Variants in BCL2 observed in about 807,000 individuals in gnomAD.
BCL2 encodes the protein BCL2 apoptosis regulator.
Under a neutral mutation model 14.2 loss-of-function variants are expected in BCL2, and 1 was observed. The ratio of observed to expected loss-of-function variants is 0.07; its 90% CI spans 0.02 to 0.33. The LOEUF is 0.33. Ranked by LOEUF, BCL2 falls within the 10% of genes least tolerant of loss-of-function variation. The probability of loss-of-function intolerance (pLI) is 0.99; values close to 1 mark genes in which losing one functional copy is unlikely to be tolerated. For missense variants in BCL2, 247 were observed against 305.9 expected (o/e 0.81, Z 1.44); for synonymous variants, 151 against 137.2 (o/e 1.10, Z -0.70).
At chr18:63,258,320 A>G (rs1300705294) in intron 2 of BCL2, among the ~76,000 whole-genome samples, 5 of 152,254 alleles carry the variant, frequency 3.3e-5, no homozygotes, top group African/African-American at 9.6e-5. Flanking sequence ...CTAGAAAACT[A>G]GTACAAATGG....
At chr18:63,290,428 C>G (rs1277498359) in intron 2 of BCL2, among the ~76,000 whole-genome samples, 1 of 152,174 alleles carries the variant, frequency 6.6e-6, no homozygotes, top group East Asian at 1.9e-4. Context: ...ATTAAAGGAA[C>G]TTCCCAACCA....
intron 2 of BCL2, among the ~76,000 whole-genome samples, chr18:63,248,307 T>C (rs941345740): frequency 6.6e-6 from 1 of 152,232 alleles, no homozygotes; most frequent in Admixed American, 6.5e-5. Flanking sequence ...TCATCTTTCA[T>C]CAATGAGAAA....
intron 2 of BCL2, among the ~76,000 whole-genome samples, chr18:63,215,205 C>T (rs763254725): frequency 1.3e-5 from 2 of 152,178 alleles, no homozygotes; most frequent in Non-Finnish European, 2.9e-5. Flanking sequence ...CGTCCCTTGG[C>T]AAGATACAGA....
At chr18:63,248,889 C>G (rs1231604560) in intron 2 of BCL2, among the ~76,000 whole-genome samples, 1 of 152,190 alleles carries the variant, frequency 6.6e-6, no homozygotes, top group Non-Finnish European at 1.5e-5. Flanking sequence ...TATTGTACCT[C>G]ATTCTTGGTT....
chr18:63,202,263 C>T (rs1043115000), intron 2 of BCL2, among the ~76,000 whole-genome samples: 3 of 152,102 alleles, frequency 2.0e-5, no homozygotes, highest in African/African-American at 4.8e-5. Flanking sequence ...GAGACGAGAT[C>T]GGGCCACTGC....
At chr18:63,245,117 C>T (rs1911117484) in intron 2 of BCL2, among the ~76,000 whole-genome samples, 1 of 152,172 alleles carries the variant, frequency 6.6e-6, no homozygotes, top group Non-Finnish European at 1.5e-5. Context: ...GGGTCATCTT[C>T]GAGAAATGTG....
At chr18:63,302,767 C>T (rs553199829) in intron 2 of BCL2, 10 of 985,338 alleles carry the variant, frequency 1.0e-5, no homozygotes, top group South Asian at 4.7e-5. Flanking sequence ...GTCAGAATTT[C>T]GCGTTTAAGT....
At chr18:63,148,513 T>G (rs879889443) in intron 2 of BCL2, among the ~76,000 whole-genome samples, 6 of 152,250 alleles carry the variant, frequency 3.9e-5, no homozygotes, top group Non-Finnish European at 8.8e-5. Flanking sequence ...TTAATCTTTC[T>G]GGCTCTTGGA....
chr18:63,198,309 C>A (rs1909512658), intron 2 of BCL2, among the ~76,000 whole-genome samples: 2 of 151,022 alleles, frequency 1.3e-5, no homozygotes, highest in African/African-American at 4.9e-5. Flanking sequence ...CACACAGACA[C>A]ACACTGACAC....
chr18:63,225,308 G>C (rs1309260048), intron 2 of BCL2, among the ~76,000 whole-genome samples: 1 of 151,956 alleles, frequency 6.6e-6, no homozygotes, highest in Non-Finnish European at 1.5e-5. Flanking sequence ...AGGAAGCTGT[G>C]GATATGATCA....
At chr18:63,131,265 C>T (rs1027458810) in intron 2 of BCL2, among the ~76,000 whole-genome samples, 1 of 152,220 alleles carries the variant, frequency 6.6e-6, no homozygotes, top group African/African-American at 2.4e-5. Context: ...GGGCCTTCTG[C>T]ATCTTTGGAG....
At chr18:63,154,718 C>A (rs890144576) in intron 2 of BCL2, among the ~76,000 whole-genome samples, 1 of 152,194 alleles carries the variant, frequency 6.6e-6, no homozygotes, top group Non-Finnish European at 1.5e-5. Flanking sequence ...ATTCTGCCCC[C>A]TCAAGGCTCA....
intron 2 of BCL2, among the ~76,000 whole-genome samples, chr18:63,218,911 C>A (rs1910303996): frequency 6.6e-6 from 1 of 151,912 alleles, no homozygotes; most frequent in Non-Finnish European, 1.5e-5. Context: ...TCATTTCTGG[C>A]TCCTTTTTCT....
At chr18:63,203,432 A>T (rs867667055) in intron 2 of BCL2, among the ~76,000 whole-genome samples, 1 of 152,214 alleles carries the variant, frequency 6.6e-6, no homozygotes, top group South Asian at 2.1e-4. Flanking sequence ...ATATATTTTT[A>T]AAAAGAGCCT....
intron 2 of BCL2, among the ~76,000 whole-genome samples, chr18:63,219,933 A>G (rs1910339295): frequency 6.6e-6 from 1 of 152,210 alleles, no homozygotes; most frequent in Non-Finnish European, 1.5e-5. Context: ...AATGCACCCA[A>G]GAAAAGTAGG....
chr18:63,134,449 C>A (rs1202040603), intron 2 of BCL2, among the ~76,000 whole-genome samples: 1 of 152,140 alleles, frequency 6.6e-6, no homozygotes, highest in Non-Finnish European at 1.5e-5. Context: ...TAGACCCTGG[C>A]CCAGAAGAAC....
intron 2 of BCL2, among the ~76,000 whole-genome samples, chr18:63,205,625 C>T (rs1021420356): frequency 4.6e-5 from 7 of 151,750 alleles, no homozygotes; most frequent in Admixed American, 1.3e-4. Context: ...TCGAACACTA[C>T]GAAAAGAAAA....
At chr18:63,141,725 C>T (rs1438401997) in intron 2 of BCL2, among the ~76,000 whole-genome samples, 3 of 152,240 alleles carry the variant, frequency 2.0e-5, no homozygotes, top group African/African-American at 7.2e-5. Context: ...TGGAGCCACA[C>T]ATGTGGCTCT....
intron 2 of BCL2, among the ~76,000 whole-genome samples, chr18:63,272,140 A>T (rs757267895): frequency 6.6e-6 from 1 of 152,212 alleles, no homozygotes; most frequent in Non-Finnish European, 1.5e-5. Flanking sequence ...GGGAGACTTC[A>T]ACCCAGCTGA....
Sources: gnomAD v4.1 joint callset for allele counts (sites outside exome capture counted in the v4.1 genomes callset) on GRCh38, gnomAD v4.1.1 for gene constraint, MANE v1.5 for transcripts, NCBI Gene and HGNC (gene_info 2026-07-23, HGNC 2026-07-21) for gene names.